FGF12: variants seen among roughly 807,000 people sequenced by gnomAD.
FGF12 encodes the protein fibroblast growth factor 12B.
FGF12 carries 14 observed loss-of-function variants against 23.6 expected under a neutral mutation model. That is an observed-to-expected ratio of 0.59 (90% confidence interval 0.39 to 0.93). The LOEUF (loss-of-function observed/expected upper bound fraction) is 0.93. Ranked by LOEUF, FGF12 falls within the 40% of genes least tolerant of loss-of-function variation. The probability of loss-of-function intolerance (pLI) is 0.00; values close to 1 mark genes in which losing one functional copy is unlikely to be tolerated. For missense variants in FGF12, 175 were observed against 217.8 expected (o/e 0.80, Z 1.24); for synonymous variants, 62 against 77.3 (o/e 0.80, Z 1.04).
chr3:192,626,906 C>T (rs1158055933), intron 2 of FGF12, among the ~76,000 whole-genome samples: 3 of 152,134 alleles, frequency 2.0e-5, no homozygotes, highest in African/African-American at 4.8e-5. Context: ...TATGCCTGGC[C>T]TATACTAATT....
intron 4 of FGF12, among the ~76,000 whole-genome samples, chr3:192,269,614 C>T (rs1379417720): frequency 6.6e-6 from 1 of 152,108 alleles, no homozygotes; most frequent in Non-Finnish European, 1.5e-5. Context: ...CTAATAAATG[C>T]TATATTTATT....
At chr3:192,203,105 T>A (rs187927309) in intron 4 of FGF12, among the ~76,000 whole-genome samples, 114 of 151,928 alleles carry the variant, frequency 7.5e-4, no homozygotes, top group African/African-American at 2.4e-3. Context: ...AGATTTTTTT[T>A]AAAAATGTAC....
intron 2 of FGF12, among the ~76,000 whole-genome samples, chr3:192,595,742 T>G (rs1442086622): frequency 1.3e-5 from 2 of 152,198 alleles, no homozygotes; most frequent in Non-Finnish European, 2.9e-5. Context: ...GAAGGCATTT[T>G]TCACTGTAAC....
chr3:192,221,303 C>T (rs902846952), intron 4 of FGF12, among the ~76,000 whole-genome samples: 1 of 152,152 alleles, frequency 6.6e-6, no homozygotes, highest in Non-Finnish European at 1.5e-5. Flanking sequence ...GCCACAAATT[C>T]TGCACATTCT....
chr3:192,466,866 T>C (rs1723025998), intron 2 of FGF12, among the ~76,000 whole-genome samples: 1 of 152,144 alleles, frequency 6.6e-6, no homozygotes. Context: ...CCCTCAAATG[T>C]GGTTTGTAGA....
rs1238738611 is a variant in FGF12 at position 192,388,538 on chromosome 3, A to G, written c.14-28000T>C. Among the ~76,000 whole-genome samples the G allele has an allele frequency of 3.3e-5, 5 of 152,294 alleles. No individual in the cohort carries two copies. In the East Asian group the frequency reaches 9.6e-4, roughly 29 times the overall value. On this transcript the variant is annotated intron_variant, in intron 2 of 5. Coordinates refer to ENST00000445105, the MANE Select transcript of FGF12 (RefSeq NM_004113.6). ...TAGAGATCACAATTAGAAATCATAT[A>G]TGTATCATGCCCTAAAAGAATTCAG...
intron 2 of FGF12, among the ~76,000 whole-genome samples, chr3:192,699,008 G>A (rs917849216): frequency 6.6e-6 from 1 of 152,176 alleles, no homozygotes; most frequent in African/African-American, 2.4e-5. Flanking sequence ...TCATGAAAGA[G>A]TTGTCTTCCC....
intron 2 of FGF12, among the ~76,000 whole-genome samples, chr3:192,679,091 A>C (rs1207800040): frequency 6.6e-6 from 1 of 152,188 alleles, no homozygotes; most frequent in Non-Finnish European, 1.5e-5. Context: ...GAAGTATTTT[A>C]AGCGAAAAAG....
chr3:192,146,276 T>C (rs1008607115), intron 5 of FGF12, among the ~76,000 whole-genome samples: 2 of 150,432 alleles, frequency 1.3e-5, no homozygotes, highest in Admixed American at 6.6e-5. Flanking sequence ...GTGTATATTT[T>C]TTTTTTTTTT....
At chr3:192,376,045 T>C (rs951560374) in intron 2 of FGF12, among the ~76,000 whole-genome samples, 5 of 152,168 alleles carry the variant, frequency 3.3e-5, no homozygotes, top group African/African-American at 1.2e-4. Context: ...ATATGAATTT[T>C]GGGGTTCTGC....
At chr3:192,161,021 G>GA (rs1714839612) in intron 5 of FGF12, among the ~76,000 whole-genome samples, 3 of 151,952 alleles carry the variant, frequency 2.0e-5, no homozygotes, top group South Asian at 4.1e-4. Context: ...ACAGAAATAA[G>GA]AAAAATCAAT....
intron 2 of FGF12, among the ~76,000 whole-genome samples, chr3:192,580,488 C>T (rs781422): frequency 0.75 from 114,596 of 152,138 alleles, 43,431 homozygotes; most frequent in East Asian, 0.97. Flanking sequence ...ATGTAGATAC[C>T]GGGATCCTAA....
At chr3:192,422,673 C>T (rs1157303088) in intron 2 of FGF12, among the ~76,000 whole-genome samples, 6 of 152,154 alleles carry the variant, frequency 3.9e-5, no homozygotes, top group Admixed American at 1.3e-4. Context: ...ATTATCACAA[C>T]CACCCTATTA....
chr3:192,626,082 C>T (rs73054482), intron 2 of FGF12, among the ~76,000 whole-genome samples: 2,098 of 152,276 alleles, frequency 0.014, 43 homozygotes, highest in African/African-American at 0.047. Flanking sequence ...AATTTTCTCA[C>T]GGCTGCTATA....
At chr3:192,257,041 A>G (rs1712440300) in intron 4 of FGF12, among the ~76,000 whole-genome samples, 1 of 152,152 alleles carries the variant, frequency 6.6e-6, no homozygotes, top group Non-Finnish European at 1.5e-5. Context: ...TAAATGTAAG[A>G]TCCTACTAGT....
At chr3:192,398,868 A>G (rs1341274990) in intron 2 of FGF12, among the ~76,000 whole-genome samples, 2 of 152,136 alleles carry the variant, frequency 1.3e-5, no homozygotes. Context: ...GGAAGGAGAG[A>G]TGCTACCTTC....
chr3:192,693,200 A>T (rs2108722400), intron 2 of FGF12, among the ~76,000 whole-genome samples: 1 of 152,294 alleles, frequency 6.6e-6, no homozygotes, highest in African/African-American at 2.4e-5. Flanking sequence ...GCATTAAAAA[A>T]ATACAATGGT....
intron 2 of FGF12, among the ~76,000 whole-genome samples, chr3:192,404,261 T>C (rs1479348250): frequency 6.6e-6 from 1 of 152,206 alleles, no homozygotes; most frequent in Non-Finnish European, 1.5e-5. Flanking sequence ...GCTTAATCAA[T>C]TGCTTTGCTC....
chr3:192,591,364 G>A (rs1200740602), intron 2 of FGF12, among the ~76,000 whole-genome samples: 2 of 151,420 alleles, frequency 1.3e-5, no homozygotes, highest in Admixed American at 6.6e-5. Context: ...GGACATGCTC[G>A]GCTCCCAGTT....
Sources: gnomAD v4.1 joint callset for allele counts (sites outside exome capture counted in the v4.1 genomes callset) on GRCh38, gnomAD v4.1.1 for gene constraint, MANE v1.5 for transcripts, NCBI Gene and HGNC (gene_info 2026-07-23, HGNC 2026-07-21) for gene names.